NCK2: variants seen among roughly 807,000 people sequenced by gnomAD.
NCK2 encodes cytoplasmic protein NCK2.
NCK2 carries 16 observed loss-of-function variants against 33.9 expected under a neutral mutation model. That is an observed-to-expected ratio of 0.47 (90% CI 0.32 to 0.72). The LOEUF is 0.72. Ranked by LOEUF, NCK2 falls within the 30% of genes least tolerant of loss-of-function variation. The pLI is 0.03. For synonymous variants in NCK2, 273 were observed against 239.9 expected (o/e 1.14, Z -1.27); for missense variants, 418 against 537.3 (o/e 0.78, Z 2.19).
At chr2:105,869,393 C>T (rs1573227408) in intron 3 of NCK2, among the ~76,000 whole-genome samples, 1 of 152,156 alleles carries the variant, frequency 6.6e-6, no homozygotes. Flanking sequence ...ATAACAGCCC[C>T]ACGGGTACCA....
At chr2:105,828,600 T>A (rs1271391174) in intron 2 of NCK2, among the ~76,000 whole-genome samples, 1 of 152,124 alleles carries the variant, frequency 6.6e-6, no homozygotes, top group Non-Finnish European at 1.5e-5. Flanking sequence ...CTACTGCAAA[T>A]GAAATACCTA....
intron 2 of NCK2, among the ~76,000 whole-genome samples, chr2:105,845,209 A>T (rs919463129): frequency 6.6e-6 from 1 of 152,230 alleles, no homozygotes; most frequent in African/African-American, 2.4e-5. Context: ...ATATTTTAAC[A>T]TTATGAGACC....
chr2:105,838,053 A>G (rs995008020), intron 2 of NCK2, among the ~76,000 whole-genome samples: 22 of 151,926 alleles, frequency 1.4e-4, no homozygotes, highest in Admixed American at 1.3e-4. Context: ...AATAATTCCT[A>G]CATGAGAATT....
intron 2 of NCK2, among the ~76,000 whole-genome samples, chr2:105,823,362 G>T (rs1212268730): frequency 6.6e-6 from 1 of 151,902 alleles, no homozygotes; most frequent in Admixed American, 6.6e-5. Context: ...AGGGGAGTGT[G>T]TCCCAGTGCC....
intron 2 of NCK2, among the ~76,000 whole-genome samples, chr2:105,819,134 G>A (rs1675627152): frequency 6.6e-6 from 1 of 152,074 alleles, no homozygotes; most frequent in Non-Finnish European, 1.5e-5. Flanking sequence ...CACTCACACT[G>A]CATACCTGAC....
intron 1 of NCK2, among the ~76,000 whole-genome samples, chr2:105,747,146 C>G (rs1689313557): frequency 6.6e-6 from 1 of 152,176 alleles, no homozygotes. Flanking sequence ...GCTTAGGACA[C>G]GCTGCATACT....
At chr2:105,781,476 G>A (rs1404294128) in intron 1 of NCK2, among the ~76,000 whole-genome samples, 1 of 152,210 alleles carries the variant, frequency 6.6e-6, no homozygotes. Context: ...TCTAGTCCAT[G>A]TACGTCTGTT....
chr2:105,859,857 G>C (rs894823172), intron 3 of NCK2, among the ~76,000 whole-genome samples: 1 of 152,242 alleles, frequency 6.6e-6, no homozygotes, highest in Admixed American at 6.5e-5. Flanking sequence ...CTGTCTTGGT[G>C]ATCTGCCCTG....
intron 1 of NCK2, among the ~76,000 whole-genome samples, chr2:105,811,292 TGAGTG>T (rs1419258193): frequency 6.6e-6 from 1 of 152,190 alleles, no homozygotes; most frequent in Non-Finnish European, 1.5e-5. Flanking sequence ...GGATTGGAGT[TGAGTG>T]GGGTGGTGGA....
chr2:105,853,461 A>G (rs1387457523), intron 2 of NCK2, among the ~76,000 whole-genome samples: 1 of 152,202 alleles, frequency 6.6e-6, no homozygotes, highest in Non-Finnish European at 1.5e-5. Flanking sequence ...CAAATGTATA[A>G]TGACAGGTGT....
intron 3 of NCK2, among the ~76,000 whole-genome samples, chr2:105,858,813 C>T (rs1295765702): frequency 6.6e-6 from 1 of 152,222 alleles, no homozygotes; most frequent in Non-Finnish European, 1.5e-5. Context: ...TACCTGCTTT[C>T]TTTCTCTGCA....
chr2:105,782,977 A>G (rs1690551045), intron 1 of NCK2, among the ~76,000 whole-genome samples: 1 of 152,148 alleles, frequency 6.6e-6, no homozygotes, highest in African/African-American at 2.4e-5. Flanking sequence ...AACAAGCCCC[A>G]TTTGCAGCTG....
chr2:105,797,941 G>A (rs773990558), intron 1 of NCK2, among the ~76,000 whole-genome samples: 55 of 151,970 alleles, frequency 3.6e-4, no homozygotes, highest in Non-Finnish European at 6.6e-4. Context: ...GTGTTTAATC[G>A]TCCCAAGTCA....
At chr2:105,760,317 T>C (rs1458032527) in intron 1 of NCK2, among the ~76,000 whole-genome samples, 1 of 152,206 alleles carries the variant, frequency 6.6e-6, no homozygotes, top group Non-Finnish European at 1.5e-5. Flanking sequence ...TCCTGGGCTG[T>C]GGAGAAATGC....
chr2:105,835,390 T>C (rs1365413598), intron 2 of NCK2, among the ~76,000 whole-genome samples: 5 of 66,454 alleles, frequency 7.5e-5, no homozygotes, highest in African/African-American at 1.9e-4. Flanking sequence ...TATATACACA[T>C]ATATATATAT....
Position 105,774,598 on chromosome 2 carries a change from G to A in NCK2, c.-201+29460G>A, listed in dbSNP as rs142840415. 1.4e-3 allele frequency among the ~76,000 whole-genome samples: 215 copies of A among 152,160 alleles called. 1 individual carries two copies. Among genetic ancestry groups the A allele is most frequent in the South Asian group, 4.8e-3 (23 of 4,808 alleles). Reference sequence around the variant, plus strand: ...TTGGGCAGGTGTCCACTGCAGGTCTGGTCATGTGGCTGGGGAAGGCACACA... The same window carrying A: ...TTGGGCAGGTGTCCACTGCAGGTCTAGTCATGTGGCTGGGGAAGGCACACA... On this transcript the variant is annotated intron_variant, in intron 1 of 4. Transcript: ENST00000233154.
intron 3 of NCK2, chr2:105,855,661 G>C (rs1677232078): frequency 5.9e-6 from 1 of 170,032 alleles, no homozygotes; most frequent in South Asian, 1.5e-4. Flanking sequence ...CTGTCCATTT[G>C]GCCTACGTGC....
intron 1 of NCK2, among the ~76,000 whole-genome samples, chr2:105,782,392 G>C (rs1690529594): frequency 6.6e-6 from 1 of 152,178 alleles, no homozygotes; most frequent in East Asian, 1.9e-4. Flanking sequence ...TCTCTCCACA[G>C]CAGGTGTCAG....
chr2:105,772,895 ATTT>A (rs34721498), intron 1 of NCK2, among the ~76,000 whole-genome samples: 4 of 133,110 alleles, frequency 3.0e-5, no homozygotes, highest in African/African-American at 5.6e-5. Flanking sequence ...ACGTGTCCAC[ATTT>A]TTTTTTTTTT....
Sources: allele counts gnomAD v4.1 joint callset (sites outside exome capture counted in the v4.1 genomes callset), GRCh38; gene constraint gnomAD v4.1.1; transcripts MANE v1.5; gene names NCBI Gene and HGNC (gene_info 2026-07-23, HGNC 2026-07-21).